LARP4B: variants seen among roughly 807,000 people sequenced by gnomAD.
LARP4B encodes the protein La ribonucleoprotein 4B, also known as la-related protein 4B.
A neutral mutation model predicts 89.8 loss-of-function variants in LARP4B; 12 were observed. The observed-to-expected ratio is 0.13, with a 90% CI of 0.09 to 0.22. LARP4B has a LOEUF of 0.22. Ranked by LOEUF, LARP4B falls within the 10% of genes least tolerant of loss-of-function variation. The probability of loss-of-function intolerance (pLI) is 1.00; values close to 1 mark genes in which losing one functional copy is unlikely to be tolerated. For synonymous variants in LARP4B, 367 were observed against 363.3 expected (o/e 1.01, Z -0.12); for missense variants, 757 against 947.7 (o/e 0.80, Z 2.64).
chr10:915,494 CAAAAAAGA>C (rs922788083), intron 1 of LARP4B, among the ~76,000 whole-genome samples: 3 of 152,000 alleles, frequency 2.0e-5, no homozygotes, highest in African/African-American at 7.2e-5. Flanking sequence ...AACTGAGTAT[CAAAAAAGA>C]GAAAAAGTTT....
At chr10:808,768 C>CAT (rs1831638116), downstream of LARP4B, 1 of 151,486 alleles carries the variant, frequency 6.6e-6, no homozygotes, top group Non-Finnish European at 1.5e-5. Flanking sequence ...CACACACACA[C>CAT]GCACACATAC....
the LARP4B span, among the ~76,000 whole-genome samples, chr10:955,722 G>A: frequency 3.9e-5 from 6 of 152,046 alleles, no homozygotes; most frequent in Non-Finnish European, 7.4e-5. This position sits in a 1 kb window ranked among gnomAD's most constrained non-coding sequence, Gnocchi z 5.2. Flanking sequence ...TCTGCTTTAA[G>A]TTGAGTTGTA....
intron 4 of LARP4B, 33 bp from the exon 5 acceptor site, chr10:863,916 G>A (rs1834759257): frequency 1.3e-6 from 2 of 1,594,768 alleles, no homozygotes; most frequent in South Asian, 2.3e-5. Context: ...AAAAGGCAGG[G>A]TTAGAAGCAT....
At chr10:832,903 A>AT (rs1832983613) in intron 8 of LARP4B, among the ~76,000 whole-genome samples, 2 of 152,174 alleles carry the variant, frequency 1.3e-5, no homozygotes, top group Admixed American at 1.3e-4. Flanking sequence ...AATATAAAAC[A>AT]TGTTTTTCTT....
chr10:842,986 C>T lies in LARP4B; in HGVS notation c.592G>A (p.Asp198Asn), dbSNP rs555331681. 8 of 1,614,130 alleles carry T rather than the reference C, an allele frequency of 5.0e-6. No homozygotes were observed. In the East Asian group the frequency reaches 6.7e-5, roughly 13 times the overall value. Residue 198 changes from aspartate (D) to asparagine (N), a missense_variant, in exon 7 of 18, where the codon GAC (aspartate) becomes AAC (asparagine). This residue lies in a region of LARP4B where 54 missense variants were observed against 96.0 expected (regional missense o/e 0.56). Coordinates refer to ENST00000316157, the MANE Select transcript of LARP4B (RefSeq NM_015155.3). ...YVPITTVANLDHIKKLSTDVD... is the reference protein window; with the variant it reads ...YVPITTVANLNHIKKLSTDVD... Reference sequence around the variant, plus strand: ...TCAGTGCTGAGCTTCTTGATGTGGTCGAGGTTAGCCACCGTTGTGATTGGC... The same window carrying T: ...TCAGTGCTGAGCTTCTTGATGTGGTTGAGGTTAGCCACCGTTGTGATTGGC...
chr10:895,037 T>G (rs1337579977), intron 1 of LARP4B, among the ~76,000 whole-genome samples: 1 of 151,974 alleles, frequency 6.6e-6, no homozygotes, highest in African/African-American at 2.4e-5. Context: ...ATACAAAAAA[T>G]TAGCTGCGCA....
chr10:914,850 G>A (rs116238752), intron 1 of LARP4B, among the ~76,000 whole-genome samples: 1,661 of 136,708 alleles, frequency 0.012, 29 homozygotes, highest in African/African-American at 0.043. Context: ...AAAAAAAAGA[G>A]GTATAGGTCA....
At position 812,315 on chromosome 10, in the gene LARP4B, G is replaced by A. The variant is rs559734981; in HGVS notation, c.*611C>T. On this transcript the variant is annotated 3_prime_UTR_variant, in exon 18 of 18. Coordinates refer to ENST00000316157, the MANE Select transcript of LARP4B (RefSeq NM_015155.3). ...AACCAAGGTTTCTGGGGTGGCCCCTGCAGGTTCACTCCGCCCAGGAGATCA... is the reference window on the plus strand; with the variant it reads ...AACCAAGGTTTCTGGGGTGGCCCCTACAGGTTCACTCCGCCCAGGAGATCA... The A allele has an allele frequency of 1.8e-3, 271 of 152,770 alleles. No individual in the cohort carries two copies. The highest frequency in any genetic ancestry group is 3.0e-3 in the Non-Finnish European group (204 of 68,036). 9.5% of individuals were successfully genotyped at this position (152,770 alleles called of 1,614,324 possible).
chr10:884,868 T>C (rs1366450046), intron 2 of LARP4B, among the ~76,000 whole-genome samples: 1 of 152,354 alleles, frequency 6.6e-6, no homozygotes, highest in East Asian at 1.9e-4. Context: ...ATAGTGACTA[T>C]AATGTTATTA....
intron 5 of LARP4B, among the ~76,000 whole-genome samples, chr10:851,090 C>T (rs936706540): frequency 6.7e-6 from 1 of 150,010 alleles, no homozygotes; most frequent in Non-Finnish European, 1.5e-5. Context: ...CCAAAGAAAT[C>T]GTAAGAGAGT....
the LARP4B span, among the ~76,000 whole-genome samples, chr10:941,412 C>G: frequency 6.6e-6 from 1 of 152,214 alleles, no homozygotes; most frequent in Admixed American, 6.5e-5. Flanking sequence ...CTCCTGGGTT[C>G]AAGCGATTCT....
Position 825,830 on chromosome 10 carries a change from G to C in LARP4B, c.1166C>G (p.Thr389Arg). The C allele has an allele frequency of 6.2e-7, 1 of 1,613,280 alleles. No individual in the cohort carries two copies. Among genetic ancestry groups the C allele is most frequent in the Non-Finnish European group, 8.5e-7 (1 of 1,179,474 alleles). ...FPNTGFINGF[T>R]SPAFKPAASP... The stretch of plus-strand genomic sequence containing the variant: ...CGCCGCAGGCTTGAACGCTGGAGAC[G>C]TAAACCCATTTATAAATCCAGTATT... The change falls in exon 12 of 18, where the codon ACG (threonine) becomes AGG (arginine). Residue 389 changes from threonine (T) to arginine (R), a missense_variant. Physicochemically the swap from Thr to Arg is moderately conservative, Grantham distance 71. Coordinates refer to ENST00000316157, the MANE Select transcript of LARP4B (RefSeq NM_015155.3).
intron 3 of LARP4B, among the ~76,000 whole-genome samples, chr10:879,804 G>A (rs959978560): frequency 4.0e-5 from 6 of 150,184 alleles, no homozygotes; most frequent in Admixed American, 6.6e-5. Context: ...ACAGAGTTTC[G>A]CTCTTGTTGC....
At chr10:887,656 A>T (rs1835898975) in intron 1 of LARP4B, among the ~76,000 whole-genome samples, 1 of 152,044 alleles carries the variant, frequency 6.6e-6, no homozygotes, top group Admixed American at 6.6e-5. Flanking sequence ...GGTTGCAGTG[A>T]GCCAAGATCA....
At chr10:889,907 A>G (rs1489234496) in intron 1 of LARP4B, among the ~76,000 whole-genome samples, 1 of 152,180 alleles carries the variant, frequency 6.6e-6, no homozygotes, top group Non-Finnish European at 1.5e-5. Context: ...GCCCCTAAAC[A>G]TACTCTAGCC....
chr10:849,384 C>CAGA (rs1317896014), intron 5 of LARP4B, among the ~76,000 whole-genome samples: 2 of 152,106 alleles, frequency 1.3e-5, no homozygotes, highest in Non-Finnish European at 2.9e-5. Flanking sequence ...GGGAGCCGAC[C>CAGA]AGAACTCCTG....
At chr10:890,005 T>C (rs1835970114) in intron 1 of LARP4B, among the ~76,000 whole-genome samples, 1 of 152,228 alleles carries the variant, frequency 6.6e-6, no homozygotes, top group African/African-American at 2.4e-5. Flanking sequence ...CATCCAGGTC[T>C]GACTTCAAGG....
chr10:937,442 G>C, the LARP4B span, among the ~76,000 whole-genome samples: 1 of 152,172 alleles, frequency 6.6e-6, no homozygotes, highest in African/African-American at 2.4e-5. Flanking sequence ...TGAGGATATA[G>C]ATTATGTACA....
chr10:826,291 A>G (rs1157399697), intron 11 of LARP4B, among the ~76,000 whole-genome samples: 1 of 152,170 alleles, frequency 6.6e-6, no homozygotes, highest in Non-Finnish European at 1.5e-5. Context: ...CTGCACACCC[A>G]CTGCTGCTCA....
Sources: allele counts gnomAD v4.1 joint callset (sites outside exome capture counted in the v4.1 genomes callset), GRCh38; gene constraint gnomAD v4.1.1; regional missense constraint gnomAD v4.1.1; non-coding constraint Gnocchi (gnomAD v3.1); transcripts MANE v1.5; gene names NCBI Gene and HGNC (gene_info 2026-07-23, HGNC 2026-07-21).